The following DGCR2 variants were observed in gnomAD, a reference collection of about 807,000 sequenced individuals.
DGCR2 encodes integral membrane protein DGCR2/IDD.
A neutral mutation model predicts 51.6 loss-of-function variants in DGCR2; 24 were observed. That is an observed-to-expected ratio of 0.47 (90% CI 0.34 to 0.65). The LOEUF (loss-of-function observed/expected upper bound fraction) is 0.65. Ranked by LOEUF, DGCR2 falls within the 30% of genes least tolerant of loss-of-function variation. DGCR2 has a pLI of 0.01. For missense variants in DGCR2, 765 were observed against 772.1 expected (o/e 0.99, Z 0.11); for synonymous variants, 340 against 315.4 (o/e 1.08, Z -0.82).
chr22:19,063,324 A>T (rs1446150184), intron 4 of DGCR2, 46 bp from the exon 5 acceptor site: 1 of 1,564,428 alleles, frequency 6.4e-7, no homozygotes, highest in East Asian at 2.2e-5. Flanking sequence ...GGCAGGAGGG[A>T]TGCAACCATC....
chr22:19,052,276 C>T (rs1022429764), intron 6 of DGCR2, among the ~76,000 whole-genome samples: 38 of 149,822 alleles, frequency 2.5e-4, no homozygotes, highest in Non-Finnish European at 1.5e-5. Flanking sequence ...ATTAGCTGGG[C>T]GTAGTGGCAC....
chr22:19,044,526 C>T (rs1206939583), intron 7 of DGCR2, among the ~76,000 whole-genome samples: 1 of 152,146 alleles, frequency 6.6e-6, no homozygotes, highest in Non-Finnish European at 1.5e-5. Flanking sequence ...CTGGCAGCTG[C>T]ACCAGCCAAA....
intron 4 of DGCR2, among the ~76,000 whole-genome samples, chr22:19,064,575 T>C (rs866015232): frequency 6.6e-6 from 1 of 152,158 alleles, no homozygotes; most frequent in Admixed American, 6.5e-5. Flanking sequence ...CAACTGCACT[T>C]GTACAAGGAG....
chr22:19,067,692 CTAAATAAATAAATAAATAAATAAA>C (rs60372595), intron 3 of DGCR2, among the ~76,000 whole-genome samples: 2 of 149,930 alleles, frequency 1.3e-5, no homozygotes, highest in African/African-American at 2.5e-5. Context: ...GACTCCGTCT[CTAAATAAATAAATAAATAAATAAA>C]TAAATAAATA....
At chr22:19,062,775 G>GCTGTCTCTGTCTCTGTCT (rs2082686000) in intron 5 of DGCR2, among the ~76,000 whole-genome samples, 3 of 108,860 alleles carry the variant, frequency 2.8e-5, no homozygotes, top group South Asian at 8.0e-4. Context: ...ACACATGCAT[G>GCTGTCTCTGTCTCTGTCT]CTCACTCTCT....
Position 19,038,872 on chromosome 22 carries a change from AC to A in DGCR2, c.1645del (p.Val549TrpfsTer100). 6.2e-7 allele frequency: 1 copy of A among 1,612,840 alleles called. No homozygotes were observed. Among genetic ancestry groups the A allele is most frequent in the Non-Finnish European group, 8.5e-7 (1 of 1,179,850 alleles). On this transcript the variant is annotated frameshift_variant, in exon 10 of 10. Transcript: ENST00000263196. LOFTEE classifies it high-confidence loss of function. The stretch of plus-strand genomic sequence containing the variant: ...GGGTACAGGCCAGGCCGTCTACACC[AC>A]AGTATTGAGGGAGCTGCGGCTGTGG... ...GRHSRSSLNT[V>X]V
chr22:19,111,032 T>C (rs2083308750), intron 1 of DGCR2, among the ~76,000 whole-genome samples: 1 of 152,244 alleles, frequency 6.6e-6, no homozygotes, highest in Non-Finnish European at 1.5e-5. Context: ...CCTTTTAAAA[T>C]ACCTTTTCCT....
At chr22:19,049,499 C>T (rs1009898608) in intron 6 of DGCR2, among the ~76,000 whole-genome samples, 2 of 152,016 alleles carry the variant, frequency 1.3e-5, no homozygotes, top group African/African-American at 2.4e-5. Flanking sequence ...AAGACTCTTC[C>T]GAAATTTCAC....
Position 19,062,779 on chromosome 22 carries a change from A to ACTCTCTCTCT in DGCR2, c.625+413_625+422dup, listed in dbSNP as rs11471797. 3.8e-3 allele frequency among the ~76,000 whole-genome samples: 488 copies of ACTCTCTCTCT among 127,388 alleles called. 9 individuals are homozygous for ACTCTCTCTCT. The highest frequency in any genetic ancestry group is 0.011 in the African/African-American group (413 of 37,256). 83.6% of individuals were successfully genotyped at this position (127,388 alleles called of 152,430 possible). A position where few individuals can be genotyped will look rare whatever the true frequency, so the allele number is the denominator to read the frequency against. Reference sequence around the variant, plus strand: ...TGCGCACACACACACATGCATGCTCACTCTCTCTCTCTCTCTCTCTCTCTC... The same window carrying ACTCTCTCTCT: ...TGCGCACACACACACATGCATGCTCACTCTCTCTCTCTCTCTCTCTCTCTCTCTCTCTCTC... On this transcript the variant is annotated intron_variant, in intron 5 of 9. Transcript: ENST00000263196.
intron 2 of DGCR2, among the ~76,000 whole-genome samples, chr22:19,083,038 G>C (rs1004846267): frequency 3.4e-5 from 5 of 149,084 alleles, no homozygotes; most frequent in Admixed American, 1.3e-4. Context: ...AGTGATACAA[G>C]AACGTGTCAC....
At chr22:19,046,235 TTTTATA>T (rs1385340114) in intron 7 of DGCR2, 1 of 53,262 alleles carries the variant, frequency 1.9e-5, no homozygotes, top group Non-Finnish European at 3.8e-5. Context: ...TGTGCACATA[TTTTATA>T]TTATTTATAA....
At chr22:19,107,758 T>C (rs559534705) in intron 1 of DGCR2, among the ~76,000 whole-genome samples, 3 of 152,270 alleles carry the variant, frequency 2.0e-5, no homozygotes, top group African/African-American at 4.8e-5. Context: ...AGGGGCTACA[T>C]ACTTGGGAAT....
intron 5 of DGCR2, chr22:19,060,710 T>A (rs577926018): frequency 3.2e-6 from 1 of 309,376 alleles, no homozygotes. Flanking sequence ...TCATGTCTTC[T>A]GGCAGCAGCA....
intron 1 of DGCR2, among the ~76,000 whole-genome samples, chr22:19,092,908 AGG>A (rs2083094771): frequency 1.3e-5 from 2 of 151,670 alleles, no homozygotes; most frequent in African/African-American, 4.8e-5. Flanking sequence ...GAGGAGGAGG[AGG>A]AGGAAAGAAA....
chr22:19,117,865 C>T (rs1416750807), intron 1 of DGCR2, among the ~76,000 whole-genome samples: 1 of 152,118 alleles, frequency 6.6e-6, no homozygotes, highest in Non-Finnish European at 1.5e-5. Context: ...CCTGTTAACC[C>T]AAAAGCCAAA....
intron 2 of DGCR2, among the ~76,000 whole-genome samples, chr22:19,079,490 T>C (rs954076718): frequency 6.6e-6 from 1 of 152,220 alleles, no homozygotes; most frequent in African/African-American, 2.4e-5. Context: ...ATGTTTTCTA[T>C]GGTGGAACGA....
At chr22:19,050,358 T>C (rs1479912166) in intron 6 of DGCR2, among the ~76,000 whole-genome samples, 3 of 152,186 alleles carry the variant, frequency 2.0e-5, no homozygotes, top group Non-Finnish European at 4.4e-5. Context: ...AAGATCCATA[T>C]CCAGCAAAGA....
At chr22:19,065,337 T>C (rs1030093650) in intron 3 of DGCR2, 2 of 481,586 alleles carry the variant, frequency 4.2e-6, no homozygotes, top group African/African-American at 3.9e-5. Flanking sequence ...GAACGGCTGC[T>C]GAATTAAGTC....
chr22:19,117,605 G>T (rs555960229), intron 1 of DGCR2, among the ~76,000 whole-genome samples: 3 of 152,186 alleles, frequency 2.0e-5, no homozygotes, highest in Admixed American at 2.0e-4. Context: ...CAATGTGTGT[G>T]AGTACACAGA....
Sources: gnomAD v4.1 joint callset for allele counts (sites outside exome capture counted in the v4.1 genomes callset) on GRCh38, gnomAD v4.1.1 for gene constraint, MANE v1.5 for transcripts, NCBI Gene and HGNC (gene_info 2026-07-23, HGNC 2026-07-21) for gene names.